STK33: variants seen among roughly 807,000 people sequenced by gnomAD.
The protein encoded by STK33 is serine/threonine kinase 33, also known as serine/threonine-protein kinase 33.
A neutral mutation model predicts 58.0 loss-of-function variants in STK33; 52 were observed. The ratio of observed to expected loss-of-function variants is 0.90; its 90% CI spans 0.72 to 1.13. STK33 has a LOEUF of 1.13. Among genes scored for constraint, STK33 ranks in the 50% most tolerant of loss-of-function variants. The probability of loss-of-function intolerance (pLI) is 0.00; values close to 1 mark genes in which losing one functional copy is unlikely to be tolerated. For missense variants in STK33, 630 were observed against 604.2 expected (o/e 1.04, Z -0.45); for synonymous variants, 215 against 200.1 (o/e 1.07, Z -0.63).
chr11:8,513,739 A>G (rs1209975040), intron 1 of STK33, among the ~76,000 whole-genome samples: 1 of 152,144 alleles, frequency 6.6e-6, no homozygotes, highest in Non-Finnish European at 1.5e-5. Context: ...ATTTTGATGC[A>G]GGCATGCAAT....
At chr11:8,398,292 G>A (rs1302169245) in intron 15 of STK33, among the ~76,000 whole-genome samples, 1 of 152,242 alleles carries the variant, frequency 6.6e-6, no homozygotes, top group Non-Finnish European at 1.5e-5. Context: ...CCAGAAGACA[G>A]TGGGGGCCAA....
intron 8 of STK33, among the ~76,000 whole-genome samples, chr11:8,459,856 TA>T (rs1339004441): frequency 3.9e-5 from 6 of 151,956 alleles, no homozygotes; most frequent in Non-Finnish European, 8.8e-5. Context: ...AACACATGTG[TA>T]TGAGGAAACT....
intron 1 of STK33, among the ~76,000 whole-genome samples, chr11:8,575,110 T>G (rs532489060): frequency 6.6e-6 from 1 of 152,162 alleles, no homozygotes; most frequent in Non-Finnish European, 1.5e-5. Flanking sequence ...CAAGTGTTGG[T>G]GAGGATGTGG....
the STK33 span, among the ~76,000 whole-genome samples, chr11:8,342,625 A>G: frequency 6.6e-6 from 1 of 152,208 alleles, no homozygotes; most frequent in African/African-American, 2.4e-5. Context: ...TATTCTAAAC[A>G]CTTTACATCC....
At chr11:8,519,805 T>A (rs974118369) in intron 1 of STK33, among the ~76,000 whole-genome samples, 42 of 152,174 alleles carry the variant, frequency 2.8e-4, no homozygotes, top group African/African-American at 8.0e-4. Context: ...AGAGGTTGAA[T>A]CCCTGAATAG....
intron 1 of STK33, among the ~76,000 whole-genome samples, chr11:8,493,836 A>G (rs547272206): frequency 6.6e-6 from 1 of 152,360 alleles, no homozygotes; most frequent in African/African-American, 2.4e-5. Context: ...AACAGAACCA[A>G]TGACAAAAAC....
At chr11:8,439,997 G>A (rs751373796) in intron 12 of STK33, among the ~76,000 whole-genome samples, 7 of 150,624 alleles carry the variant, frequency 4.6e-5, no homozygotes, top group Non-Finnish European at 1.0e-4. Context: ...ACATGGGGAG[G>A]GTGACCAGAA....
intron 1 of STK33, among the ~76,000 whole-genome samples, chr11:8,548,920 T>C (rs1157978766): frequency 1.3e-5 from 2 of 152,196 alleles, no homozygotes; most frequent in Admixed American, 6.5e-5. Context: ...ATTTCTCAGA[T>C]TGTTCACTGT....
the STK33 span, among the ~76,000 whole-genome samples, chr11:8,369,168 AAAG>A: frequency 7.2e-5 from 11 of 152,176 alleles, no homozygotes; most frequent in Admixed American, 7.2e-4. Context: ...ATTGAGAGAG[AAAG>A]AAGGCTCAAG....
chr11:8,503,785 TTA>T (rs1201685753), intron 1 of STK33, among the ~76,000 whole-genome samples: 1 of 152,152 alleles, frequency 6.6e-6, no homozygotes, highest in African/African-American at 2.4e-5. Context: ...TTCCAGCCTC[TTA>T]TTATGATGAT....
At chr11:8,342,110 G>A in the STK33 span, among the ~76,000 whole-genome samples, 63 of 152,286 alleles carry the variant, frequency 4.1e-4, no homozygotes, top group East Asian at 0.011. Context: ...GCGATTCATC[G>A]GTTTGACCTA....
chr11:8,488,478 G>A (rs1243582133), intron 1 of STK33, among the ~76,000 whole-genome samples: 6 of 152,058 alleles, frequency 3.9e-5, no homozygotes, highest in Non-Finnish European at 7.4e-5. Flanking sequence ...GGAAGTGAAG[G>A]CTAAGGTAAG....
chr11:8,488,134 T>A (rs992713507), intron 1 of STK33, among the ~76,000 whole-genome samples: 12 of 152,330 alleles, frequency 7.9e-5, no homozygotes, highest in African/African-American at 2.9e-4. Flanking sequence ...AACCCACTTA[T>A]AAGTCAGTCT....
At chr11:8,559,585 T>C (rs891003355) in intron 1 of STK33, among the ~76,000 whole-genome samples, 5 of 152,238 alleles carry the variant, frequency 3.3e-5, no homozygotes, top group Non-Finnish European at 7.3e-5. Flanking sequence ...ACCTACTTGA[T>C]TTGTTTTACT....
chr11:8,514,131 G>T (rs2139563439), intron 1 of STK33, among the ~76,000 whole-genome samples: 1 of 152,268 alleles, frequency 6.6e-6, no homozygotes, highest in African/African-American at 2.4e-5. Context: ...TAACTATGTT[G>T]TTGCAAATGA....
chr11:8,466,704 T>C (rs1282532503), intron 6 of STK33: 2 of 152,306 alleles, frequency 1.3e-5, no homozygotes, highest in Non-Finnish European at 2.9e-5. Context: ...CACTAGGCAG[T>C]GCCCCAGTAG....
downstream of STK33, among the ~76,000 whole-genome samples, chr11:8,387,356 G>A (rs1432604610): frequency 6.6e-6 from 1 of 152,196 alleles, no homozygotes; most frequent in African/African-American, 2.4e-5. Flanking sequence ...TGATACTTGA[G>A]CACACTGGCC....
intron 1 of STK33, among the ~76,000 whole-genome samples, chr11:8,565,271 C>T (rs1957372510): frequency 6.6e-6 from 1 of 152,178 alleles, no homozygotes; most frequent in South Asian, 2.1e-4. Context: ...GGTTAAAAAA[C>T]TTCACATTTT....
intron 1 of STK33, among the ~76,000 whole-genome samples, chr11:8,531,681 G>A (rs571309283): frequency 6.6e-5 from 10 of 152,194 alleles, no homozygotes; most frequent in Admixed American, 3.3e-4. Context: ...CCACAGAACC[G>A]GGAAAAAGCT....
Sources: gnomAD v4.1 joint callset for allele counts (sites outside exome capture counted in the v4.1 genomes callset) on GRCh38, gnomAD v4.1.1 for gene constraint, MANE v1.5 for transcripts, NCBI Gene and HGNC (gene_info 2026-07-23, HGNC 2026-07-21) for gene names.